MDFIC: variants seen among roughly 807,000 people sequenced by gnomAD.
MDFIC encodes myoD family inhibitor domain-containing protein.
In MDFIC, 17 loss-of-function variants were observed where a neutral mutation model predicts 23.2. That is an observed-to-expected ratio of 0.73 (90% CI 0.50 to 1.10). The LOEUF (loss-of-function observed/expected upper bound fraction) is 1.10. MDFIC is among the 50% of genes least tolerant of loss of function. MDFIC has a pLI of 0.00. For synonymous variants in MDFIC, 120 were observed against 115.2 expected (o/e 1.04, Z -0.27); for missense variants, 356 against 316.6 (o/e 1.12, Z -0.95).
chr7:114,973,368 T>C (rs1247597581), intron 3 of MDFIC, among the ~76,000 whole-genome samples: 1 of 152,114 alleles, frequency 6.6e-6, no homozygotes, highest in African/African-American at 2.4e-5. Context: ...TCAGCTGTGG[T>C]CAAAACTGGT....
intron 3 of MDFIC, among the ~76,000 whole-genome samples, chr7:114,953,157 G>A (rs1051918797): frequency 6.6e-6 from 1 of 152,094 alleles, no homozygotes; most frequent in African/African-American, 2.4e-5. Flanking sequence ...GCCAATTTGT[G>A]ATAGTTGATT....
intron 2 of MDFIC, among the ~76,000 whole-genome samples, chr7:114,934,657 A>G (rs1246490599): frequency 6.6e-6 from 1 of 152,130 alleles, no homozygotes; most frequent in Non-Finnish European, 1.5e-5. Context: ...AAGTCTTATT[A>G]TTTTTCAGAA....
intron 3 of MDFIC, among the ~76,000 whole-genome samples, chr7:114,946,953 C>T (rs1488691233): frequency 2.0e-5 from 3 of 152,088 alleles, no homozygotes; most frequent in Admixed American, 6.5e-5. Flanking sequence ...ATGTAAAATA[C>T]TGAAAGAAAA....
rs1792093298 is a variant in MDFIC at position 114,922,247 on chromosome 7, G to T, written c.-497G>T. 5 of 605,682 alleles carry T rather than the reference G, an allele frequency of 8.3e-6. No homozygotes were observed. The highest frequency in any genetic ancestry group is 1.2e-5 in the Non-Finnish European group (5 of 417,116). 37.5% of individuals were successfully genotyped at this position (605,682 alleles called of 1,614,324 possible). The stretch of plus-strand genomic sequence containing the variant: ...TCGCGCCGCTCCCAGCATCGGGGCC[G>T]CTAGCCAAGAGTTCGAGGCCTTCCC... On this transcript the variant is annotated 5_prime_UTR_variant, in exon 1 of 5. Transcript: ENST00000393486.
chr7:114,971,500 C>T (rs1793204928), intron 3 of MDFIC, among the ~76,000 whole-genome samples: 1 of 152,162 alleles, frequency 6.6e-6, no homozygotes, highest in Non-Finnish European at 1.5e-5. Context: ...CTGCATCTAT[C>T]TAAGTTTGTC....
intron 3 of MDFIC, among the ~76,000 whole-genome samples, chr7:114,950,831 G>T (rs1465948973): frequency 6.6e-6 from 1 of 152,124 alleles, no homozygotes; most frequent in African/African-American, 2.4e-5. Context: ...AGGTAAAGCT[G>T]GGTTTTTATC....
Position 115,011,178 on chromosome 7 carries a change from A to G in MDFIC, c.494-4510A>G, listed in dbSNP as rs138026970. 5.8e-3 allele frequency among the ~76,000 whole-genome samples: 890 copies of G among 152,146 alleles called. 10 individuals are homozygous for G. The highest frequency in any genetic ancestry group is 0.02 in the African/African-American group (812 of 41,502). ...CCTGGGTCCTGATCCTGTTTCTGCTACTCACTCCCTCTATGACCTTGGGAA... is the reference window on the plus strand; with the variant it reads ...CCTGGGTCCTGATCCTGTTTCTGCTGCTCACTCCCTCTATGACCTTGGGAA... On this transcript the variant is annotated intron_variant, in intron 4 of 4. Coordinates refer to ENST00000393486, the MANE Select transcript of MDFIC (RefSeq NM_001166345.3).
intron 3 of MDFIC, among the ~76,000 whole-genome samples, chr7:114,953,555 C>A (rs1238842545): frequency 6.6e-6 from 1 of 152,128 alleles, no homozygotes; most frequent in Non-Finnish European, 1.5e-5. Flanking sequence ...AATCAAATAG[C>A]AGTACCTGAA....
chr7:114,990,665 A>G (rs1447390604), intron 4 of MDFIC, among the ~76,000 whole-genome samples: 3 of 152,222 alleles, frequency 2.0e-5, no homozygotes, highest in Non-Finnish European at 2.9e-5. Context: ...ATGTCCCTAC[A>G]AAGGACATGA....
intron 2 of MDFIC, among the ~76,000 whole-genome samples, chr7:114,927,080 G>T (rs1249514469): frequency 6.6e-6 from 1 of 152,100 alleles, no homozygotes; most frequent in African/African-American, 2.4e-5. Context: ...TAATGCATAG[G>T]ATAGGACAAC....
intron 3 of MDFIC, among the ~76,000 whole-genome samples, chr7:114,966,906 T>C (rs1281000188): frequency 6.6e-6 from 1 of 152,178 alleles, no homozygotes; most frequent in African/African-American, 2.4e-5. Context: ...GGACAGAGTT[T>C]AGCTTCTTAG....
rs931079717 is a variant in MDFIC, at chr7:115,015,834, T to G, written c.640T>G (p.Cys214Gly). The change falls in exon 5 of 5, where the codon TGC (cysteine) becomes GGC (glycine). Residue 214 changes from cysteine (C) to glycine (G), a missense_variant. By Grantham distance (159) the Cys-to-Gly change is radical (BLOSUM62 -3). Transcript: ENST00000393486. The stretch of plus-strand genomic sequence containing the variant: ...TGACGAGATGGGGGATGATTGTAAC[T>G]GCCCTTGTGATATGGACTGTGGCAT... Reference protein sequence around the residue: ...CGDEMGDDCNCPCDMDCGIMD... With the variant: ...CGDEMGDDCNGPCDMDCGIMD... 1.2e-6 allele frequency: 2 copies of G among 1,614,116 alleles called. No individual in the cohort carries two copies. Among genetic ancestry groups the G allele is most frequent in the Non-Finnish European group, 1.7e-6 (2 of 1,180,052 alleles).
At chr7:114,955,750 C>T (rs1792871137) in intron 3 of MDFIC, among the ~76,000 whole-genome samples, 1 of 152,164 alleles carries the variant, frequency 6.6e-6, no homozygotes, top group Non-Finnish European at 1.5e-5. Context: ...ACTATCTTTG[C>T]TTCTCTTAAG....
chr7:114,954,774 T>C (rs1792853040), intron 3 of MDFIC, among the ~76,000 whole-genome samples: 1 of 152,208 alleles, frequency 6.6e-6, no homozygotes, highest in African/African-American at 2.4e-5. Context: ...AATTAGTAAA[T>C]ACTACTACAG....
At chr7:114,995,289 C>T (rs957123330) in intron 4 of MDFIC, among the ~76,000 whole-genome samples, 4 of 152,120 alleles carry the variant, frequency 2.6e-5, no homozygotes, top group Admixed American at 6.6e-5. Context: ...GTGATGGGTT[C>T]GAACTTCCCC....
rs148048289 is a variant in MDFIC, at chr7:114,999,896, G to A, written c.494-15792G>A. ...GCAATAAACTTCAGTGGCATTAGTA[G>A]TACCTGTGTCTTTGTTGATGACATT... On this transcript the variant is annotated intron_variant, in intron 4 of 4. Transcript: ENST00000393486. 1.4e-4 allele frequency among the ~76,000 whole-genome samples: 21 copies of A among 152,210 alleles called. No individual in the cohort carries two copies. In the East Asian group the frequency reaches 4.1e-3, roughly 29 times the overall value.
At chr7:114,949,352 G>C (rs1374886554) in intron 3 of MDFIC, among the ~76,000 whole-genome samples, 1 of 152,140 alleles carries the variant, frequency 6.6e-6, no homozygotes, top group Admixed American at 6.5e-5. Context: ...GGAAGGAGCT[G>C]AGGCTTGGGA....
At chr7:114,944,248 C>T (rs1251274588) in intron 3 of MDFIC, among the ~76,000 whole-genome samples, 1 of 152,170 alleles carries the variant, frequency 6.6e-6, no homozygotes, top group East Asian at 1.9e-4. Context: ...TACACCCCCT[C>T]TGAAAGGGCT....
At chr7:114,990,140 C>G (rs780709780) in intron 4 of MDFIC, among the ~76,000 whole-genome samples, 3 of 152,086 alleles carry the variant, frequency 2.0e-5, no homozygotes, top group Non-Finnish European at 4.4e-5. Flanking sequence ...TTAGTATGCT[C>G]TACTCATCAT....
Sources: allele counts gnomAD v4.1 joint callset (sites outside exome capture counted in the v4.1 genomes callset), GRCh38; gene constraint gnomAD v4.1.1; transcripts MANE v1.5; gene names NCBI Gene and HGNC (gene_info 2026-07-23, HGNC 2026-07-21).